The following ATP6V0E1 variants were observed in gnomAD, a reference collection of about 807,000 sequenced individuals.
ATP6V0E1 encodes V-type proton ATPase subunit e 1.
In ATP6V0E1, 4 loss-of-function variants were observed where a neutral mutation model predicts 11.6. The observed-to-expected ratio is 0.35, with a 90% confidence interval of 0.17 to 0.79. ATP6V0E1 has a LOEUF of 0.79. Ranked by LOEUF, ATP6V0E1 falls within the 30% of genes least tolerant of loss-of-function variation. The probability of loss-of-function intolerance (pLI) is 0.54; values close to 1 mark genes in which losing one functional copy is unlikely to be tolerated. For missense variants in ATP6V0E1, 105 were observed against 100.0 expected, an observed-to-expected ratio of 1.05 and a Z score of -0.21; for synonymous variants, 36 against 34.8, an observed-to-expected ratio of 1.04 and a Z score of -0.13.
intron 2 of ATP6V0E1, among the ~76,000 whole-genome samples, chr5:173,006,731 T>A (rs1428098681): frequency 1.3e-5 from 2 of 152,198 alleles, no homozygotes; most frequent in African/African-American, 4.8e-5. Flanking sequence ...GTTTGTTACA[T>A]ACATTTAAGC....
intron 1 of ATP6V0E1, among the ~76,000 whole-genome samples, chr5:172,987,993 A>G (rs556853318): frequency 2.6e-5 from 4 of 152,308 alleles, no homozygotes; most frequent in South Asian, 4.1e-4. Flanking sequence ...AATTACAGGC[A>G]TAAGCCACCT....
chr5:173,027,850 G>T (rs1158819919), intron 3 of ATP6V0E1, among the ~76,000 whole-genome samples: 1 of 151,974 alleles, frequency 6.6e-6, no homozygotes, highest in East Asian at 1.9e-4. Context: ...TGTTGATTGG[G>T]GTTCAAAGCT....
At chr5:172,986,673 A>G (rs746936824) in intron 1 of ATP6V0E1, 33 of 447,908 alleles carry the variant, frequency 7.4e-5, no homozygotes, top group Non-Finnish European at 1.5e-4. Flanking sequence ...AAGAGGCTGC[A>G]GGCACCATGT....
intron 2 of ATP6V0E1, among the ~76,000 whole-genome samples, chr5:173,002,597 A>G (rs1756175898): frequency 6.6e-6 from 1 of 152,226 alleles, no homozygotes; most frequent in Admixed American, 6.5e-5. Flanking sequence ...AGTACTTCCA[A>G]GAGGGGTACA....
chr5:173,004,437 G>C (rs1756200056), intron 2 of ATP6V0E1, among the ~76,000 whole-genome samples: 1 of 152,158 alleles, frequency 6.6e-6, no homozygotes, highest in Admixed American at 6.5e-5. Context: ...CTGGGTTTCA[G>C]TTAAGCTAGA....
intron 3 of ATP6V0E1, among the ~76,000 whole-genome samples, chr5:173,031,237 C>T (rs992153079): frequency 1.3e-5 from 2 of 151,352 alleles, no homozygotes; most frequent in Non-Finnish European, 2.9e-5. Context: ...AGCCACCGTG[C>T]CCGGCCTAAT....
chr5:173,006,595 C>CA (rs1215744214), intron 2 of ATP6V0E1, among the ~76,000 whole-genome samples: 1 of 152,108 alleles, frequency 6.6e-6, no homozygotes, highest in African/African-American at 2.4e-5. Flanking sequence ...GCCTGGGTGA[C>CA]AGAGTGAGAC....
At chr5:173,000,038 A>G (rs1026519620) in intron 2 of ATP6V0E1, among the ~76,000 whole-genome samples, 1 of 152,170 alleles carries the variant, frequency 6.6e-6, no homozygotes, top group African/African-American at 2.4e-5. Context: ...GCACTGGTAC[A>G]TTTTCTTGAA....
At chr5:172,984,328 CAT>C (rs1345435838) in intron 1 of ATP6V0E1, among the ~76,000 whole-genome samples, 3 of 152,222 alleles carry the variant, frequency 2.0e-5, no homozygotes, top group Non-Finnish European at 4.4e-5. Context: ...CTTCCACCCA[CAT>C]GAGGCCTCGT....
At chr5:173,018,834 T>C (rs895968964) in intron 2 of ATP6V0E1, among the ~76,000 whole-genome samples, 5 of 150,910 alleles carry the variant, frequency 3.3e-5, no homozygotes, top group African/African-American at 1.2e-4. Context: ...TGTTTGCTTT[T>C]GTCTGAGCTA....
intron 3 of ATP6V0E1, among the ~76,000 whole-genome samples, chr5:173,028,161 G>A (rs1756591415): frequency 6.6e-6 from 1 of 152,158 alleles, no homozygotes; most frequent in Non-Finnish European, 1.5e-5. Context: ...AGGGCAAGCC[G>A]GGCGATCCCT....
chr5:172,988,134 T>G (rs1755925285), intron 1 of ATP6V0E1, among the ~76,000 whole-genome samples: 1 of 152,218 alleles, frequency 6.6e-6, no homozygotes, highest in Non-Finnish European at 1.5e-5. Flanking sequence ...CCCACACAGG[T>G]TCAGGATCAT....
At chr5:173,015,098 A>G (rs2113602506) in intron 2 of ATP6V0E1, among the ~76,000 whole-genome samples, 1 of 152,314 alleles carries the variant, frequency 6.6e-6, no homozygotes, top group East Asian at 1.9e-4. Flanking sequence ...AGCTAAATTA[A>G]TGCCTTCTGA....
intron 2 of ATP6V0E1, among the ~76,000 whole-genome samples, chr5:173,001,672 C>T (rs534768163): frequency 6.6e-6 from 1 of 152,030 alleles, no homozygotes; most frequent in African/African-American, 2.4e-5. Flanking sequence ...CTGCTATTTA[C>T]TTTAACATGT....
chr5:173,006,915 T>A (rs904072740), intron 2 of ATP6V0E1, among the ~76,000 whole-genome samples: 2 of 152,176 alleles, frequency 1.3e-5, no homozygotes, highest in Non-Finnish European at 2.9e-5. Context: ...TTACTTGCTA[T>A]ATGGAAAAGT....
At chr5:173,001,583 C>T (rs570190372) in intron 2 of ATP6V0E1, among the ~76,000 whole-genome samples, 8 of 152,322 alleles carry the variant, frequency 5.3e-5, no homozygotes, top group African/African-American at 1.7e-4. Flanking sequence ...CTGGGTGCAC[C>T]GCTTTGGTTT....
chr5:173,004,959 C>T (rs1756207963), intron 2 of ATP6V0E1, among the ~76,000 whole-genome samples: 1 of 152,108 alleles, frequency 6.6e-6, no homozygotes, highest in African/African-American at 2.4e-5. Flanking sequence ...AAATTAGTGA[C>T]TATATCTTAT....
chr5:173,007,341 T>G (rs1296900667), intron 2 of ATP6V0E1, among the ~76,000 whole-genome samples: 1 of 152,168 alleles, frequency 6.6e-6, no homozygotes, highest in Non-Finnish European at 1.5e-5. Context: ...CAGAATTCAG[T>G]TCTATGTGCT....
intron 2 of ATP6V0E1, among the ~76,000 whole-genome samples, chr5:173,015,078 A>G (rs754897406): frequency 5.3e-5 from 8 of 152,208 alleles, no homozygotes; most frequent in Non-Finnish European, 1.2e-4. Flanking sequence ...TGAATTCTCA[A>G]TTTAGATTTA....
Sources: gnomAD v4.1 joint callset for allele counts (sites outside exome capture counted in the v4.1 genomes callset) on GRCh38, gnomAD v4.1.1 for gene constraint, MANE v1.5 for transcripts, NCBI Gene and HGNC (gene_info 2026-07-23, HGNC 2026-07-21) for gene names.